DGKH: variants seen among roughly 807,000 people sequenced by gnomAD.
The protein encoded by DGKH is diacylglycerol kinase eta.
DGKH carries 90 observed loss-of-function variants against 159.3 expected under a neutral mutation model. The observed-to-expected ratio is 0.57, with a 90% CI of 0.48 to 0.67. The LOEUF (loss-of-function observed/expected upper bound fraction) is 0.67. Among genes scored for constraint, DGKH ranks in the 30% least tolerant of loss-of-function variants. DGKH has a pLI of 0.00. For synonymous variants in DGKH, 536 were observed against 553.8 expected, an observed-to-expected ratio of 0.97 and a Z score of 0.45; for missense variants, 1,181 against 1,506.1, an observed-to-expected ratio of 0.78 and a Z score of 3.57.
At position 42,168,758 on chromosome 13, in the gene DGKH, A is replaced by G; in HGVS notation, c.1307A>G (p.Asp436Gly). 2 of 1,614,180 alleles carry G rather than the reference A, an allele frequency of 1.2e-6. No homozygotes were observed. The highest frequency in any genetic ancestry group is 1.7e-6 in the Non-Finnish European group (2 of 1,180,012). ...VLGWGGSYDD[D>G]TQLPQILEKL... Reference sequence around the variant, plus strand: ...GGCTGGGGAGGTTCATATGACGATGACACCCAACTTCCTCAGATCCTAGAG... The same window carrying G: ...GGCTGGGGAGGTTCATATGACGATGGCACCCAACTTCCTCAGATCCTAGAG... The change falls in exon 11 of 30, where the codon GAC (aspartate) becomes GGC (glycine). Residue 436 changes from aspartate to glycine, a missense_variant. Coordinates refer to ENST00000337343, the MANE Select transcript of DGKH (RefSeq NM_178009.5).
chr13:42,239,314 T>C lies in DGKH; in HGVS notation c.*10126T>C, dbSNP rs1373597719. Reference sequence around the variant, plus strand: ...TTTCTCTCCTTTTACTTGAAAAGCTTTCAGAAAGCTTTTGAAAGATGACAC... The same window carrying C: ...TTTCTCTCCTTTTACTTGAAAAGCTCTCAGAAAGCTTTTGAAAGATGACAC... On this transcript the variant is annotated 3_prime_UTR_variant, in exon 30 of 30. Coordinates refer to ENST00000337343, the MANE Select transcript of DGKH (RefSeq NM_178009.5). The C allele has an allele frequency of 6.6e-6, 1 of 152,570 alleles. No homozygotes were observed. Among genetic ancestry groups the C allele is most frequent in the Non-Finnish European group, 1.5e-5 (1 of 67,992 alleles). 9.5% of individuals were successfully genotyped at this position (152,570 alleles called of 1,614,324 possible).
chr13:42,110,091 G>T (rs1191318619), intron 1 of DGKH, among the ~76,000 whole-genome samples: 1 of 152,198 alleles, frequency 6.6e-6, no homozygotes, highest in African/African-American at 2.4e-5. Context: ...TTCAGAGGCA[G>T]ATTATTGAAG....
intron 11 of DGKH, among the ~76,000 whole-genome samples, chr13:42,173,801 A>C (rs1252131440): frequency 6.6e-6 from 1 of 152,216 alleles, no homozygotes; most frequent in East Asian, 1.9e-4. Flanking sequence ...GGGTCTTAAA[A>C]CATTTGGAAG....
intron 1 of DGKH, among the ~76,000 whole-genome samples, chr13:42,098,091 G>A (rs749057612): frequency 1.3e-5 from 2 of 151,818 alleles, no homozygotes; most frequent in Non-Finnish European, 2.9e-5. Context: ...CTTTTTTATT[G>A]GGAATGAGTA....
chr13:42,052,085 A>C (rs1881364704), intron 1 of DGKH, among the ~76,000 whole-genome samples: 1 of 152,218 alleles, frequency 6.6e-6, no homozygotes, highest in Admixed American at 6.5e-5. Context: ...TCATTTAACC[A>C]GTTTTTTGCA....
intron 3 of DGKH, among the ~76,000 whole-genome samples, chr13:42,132,881 T>A (rs905612206): frequency 6.6e-6 from 1 of 151,996 alleles, no homozygotes; most frequent in African/African-American, 2.4e-5. Context: ...AAAAAAATTT[T>A]TTTTTGGCCG....
chr13:42,099,041 C>T (rs9532997), intron 1 of DGKH, among the ~76,000 whole-genome samples: 19,190 of 152,194 alleles, frequency 0.13, 1,502 homozygotes, highest in South Asian at 0.18. Context: ...GCCAGGATAG[C>T]AAGAGGTTGC....
intron 3 of DGKH, among the ~76,000 whole-genome samples, chr13:42,146,941 G>A (rs989271346): frequency 6.6e-6 from 1 of 152,162 alleles, no homozygotes; most frequent in African/African-American, 2.4e-5. Flanking sequence ...CCCACCTTCT[G>A]GAATGCATTT....
rs140951664 is a variant in DGKH, at chr13:42,187,076, C to T, written c.1566C>T (p.Phe522=). ...CGCTATGTGAAACTGTAAAGGACTT[C>T]GTTGCCAAAGTAGAAAAGACGTATG... ...AKTLCETVKD[F]VAKVEKTYDK... Residue 522 remains phenylalanine (F), a synonymous_variant, in exon 14 of 30, where the codon TTC becomes TTT. Coordinates refer to ENST00000337343, the MANE Select transcript of DGKH (RefSeq NM_178009.5). 50 of 1,614,024 alleles carry T rather than the reference C, an allele frequency of 3.1e-5. No individual in the cohort carries two copies. The African/African-American group carries it at 5.9e-4, about 19-fold the overall frequency.
intron 11 of DGKH, among the ~76,000 whole-genome samples, chr13:42,173,478 C>T (rs900446010): frequency 3.3e-5 from 5 of 151,974 alleles, no homozygotes; most frequent in Non-Finnish European, 7.4e-5. Flanking sequence ...AATATTTTCC[C>T]CCTACTCTCA....
intron 20 of DGKH, among the ~76,000 whole-genome samples, chr13:42,202,541 AT>A (rs1207911526): frequency 1.4e-4 from 21 of 152,332 alleles, no homozygotes; most frequent in African/African-American, 5.1e-4. Flanking sequence ...TATATACGAA[AT>A]TGATAAAATA....
chr13:42,187,363 C>A (rs1956956372), intron 14 of DGKH, among the ~76,000 whole-genome samples: 1 of 152,112 alleles, frequency 6.6e-6, no homozygotes, highest in Admixed American at 6.5e-5. Flanking sequence ...AAACCTAACT[C>A]AAATCCCTGT....
upstream of DGKH, among the ~76,000 whole-genome samples, chr13:42,047,561 C>T (rs1880875581): frequency 6.6e-6 from 1 of 152,218 alleles, no homozygotes; most frequent in Non-Finnish European, 1.5e-5. Context: ...AATGTCTTCT[C>T]TCGCAGCCCC....
intron 1 of DGKH, among the ~76,000 whole-genome samples, chr13:42,081,105 A>G (rs1293140142): frequency 6.6e-6 from 1 of 152,142 alleles, no homozygotes; most frequent in Non-Finnish European, 1.5e-5. Context: ...AATATTAGAG[A>G]TACATTTTAT....
upstream of DGKH, chr13:42,048,645 C>A: frequency 8.7e-7 from 1 of 1,149,678 alleles, no homozygotes; most frequent in African/African-American, 1.6e-5. This position sits in a 1 kb window ranked among gnomAD's most constrained non-coding sequence, Gnocchi z 6.7. Flanking sequence ...GCGGGGGTAG[C>A]TAGGGAAACG....
intron 1 of DGKH, among the ~76,000 whole-genome samples, chr13:42,077,106 G>A (rs536495075): frequency 6.6e-6 from 1 of 152,022 alleles, no homozygotes; most frequent in East Asian, 1.9e-4. Flanking sequence ...TATTCTTCTT[G>A]GTACTTTCAA....
intron 5 of DGKH, among the ~76,000 whole-genome samples, chr13:42,158,577 A>G (rs1237680326): frequency 6.6e-6 from 1 of 151,768 alleles, no homozygotes; most frequent in Non-Finnish European, 1.5e-5. Context: ...GTTCCTTTTG[A>G]TAATATGGCT....
intron 11 of DGKH, among the ~76,000 whole-genome samples, chr13:42,169,834 T>C (rs190453408): frequency 2.1e-4 from 32 of 152,300 alleles, no homozygotes; most frequent in Admixed American, 2.0e-3. Context: ...TCCAGTAGCT[T>C]GGGTGCATAA....
rs1333038214 is a variant in DGKH, at chr13:42,233,133, T to TA, written c.*3952dup. ...GCAGCAGAGCAAGACCCCTACTCTT[T>TA]AAAAAAATTAATTTAATTAGAAACT... On this transcript the variant is annotated 3_prime_UTR_variant, in exon 30 of 30. Transcript: ENST00000337343. The TA allele has an allele frequency of 1.3e-5, 2 of 152,148 alleles. No individual in the cohort carries two copies. The highest frequency in any genetic ancestry group is 2.4e-5 in the African/African-American group (1 of 41,410). 9.4% of individuals were successfully genotyped at this position (152,148 alleles called of 1,614,324 possible).
Sources: allele counts gnomAD v4.1 joint callset (sites outside exome capture counted in the v4.1 genomes callset), GRCh38; gene constraint gnomAD v4.1.1; non-coding constraint Gnocchi (gnomAD v3.1); transcripts MANE v1.5; gene names NCBI Gene and HGNC (gene_info 2026-07-23, HGNC 2026-07-21).